CYP2E1: variants seen among roughly 807,000 people sequenced by gnomAD.
The protein encoded by CYP2E1 is cytochrome P450 2E1.
CYP2E1 carries 31 observed loss-of-function variants against 42.9 expected under a neutral mutation model. The observed-to-expected ratio is 0.72, with a 90% CI of 0.54 to 0.98. CYP2E1 has a LOEUF of 0.98. Among genes scored for constraint, CYP2E1 ranks in the 50% least tolerant of loss-of-function variants. The pLI is 0.00. For missense variants in CYP2E1, 565 were observed against 633.2 expected (o/e 0.89, Z 1.16); for synonymous variants, 244 against 248.9 (o/e 0.98, Z 0.19).
chr10:133,528,421 T>G, intron 1 of CYP2E1, 60 bp from the exon 2 acceptor site: 2 of 1,594,600 alleles, frequency 1.3e-6, no homozygotes, highest in Middle Eastern at 4.2e-4. Flanking sequence ...GGGTGTGGCT[T>G]AGAGCCCCGC....
In CYP2E1 at chr10:133,536,084, C is replaced by T. The variant is rs369366325; in HGVS notation, c.968-979C>T. Among the ~76,000 whole-genome samples, 18 of 152,262 alleles carry T rather than the reference C, an allele frequency of 1.2e-4. 1 individual carries two copies. Among genetic ancestry groups the T allele is most frequent in the African/African-American group, 4.3e-4 (18 of 41,528 alleles). On this transcript the variant is annotated intron_variant, in intron 6 of 8. Transcript: ENST00000252945. ...GCATGTCTGATTCTGTTCTGTAAAC[C>T]CCCTTCATACTCAGAAGCATGCAAT...
chr10:133,538,635 T>G, intron 8 of CYP2E1, 145 bp from the exon 9 acceptor site: 1 of 696,604 alleles, frequency 1.4e-6, no homozygotes, highest in Middle Eastern at 3.3e-4. Flanking sequence ...TGTGCTTCTT[T>G]TAATAGGCAG....
chr10:133,534,041 G>A, intron 6 of CYP2E1, 144 bp downstream of exon 6: 1 of 886,484 alleles, frequency 1.1e-6, no homozygotes, highest in Admixed American at 2.3e-5. Flanking sequence ...ATGCACTGCT[G>A]TGAGGGGAGG....
intron 2 of CYP2E1, among the ~76,000 whole-genome samples, chr10:133,530,940 A>G (rs1851328229): frequency 6.6e-6 from 1 of 152,226 alleles, no homozygotes; most frequent in Non-Finnish European, 1.5e-5. Flanking sequence ...TTGATTCCAA[A>G]TGTGTTCATA....
Position 133,532,822 on chromosome 10 carries a change from A to C in CYP2E1, c.779A>C (p.Asn260Thr). ...GAGCACCATCAATCTCTGGACCCCA[A>C]CTGTCCCCGGGACCTCACCGACTGC... is the stretch of plus-strand genomic sequence containing the variant. The part of the protein sequence containing the change: ...VKEHHQSLDP[N>T]CPRDLTDCLL... The change falls in exon 5 of 9, where the codon AAC becomes ACC. Residue 260 changes from asparagine (N) to threonine (T), a missense_variant. Physicochemically the swap from Asn to Thr is moderately conservative, Grantham distance 65. Transcript: ENST00000252945. 2 of 1,613,026 alleles carry C rather than the reference A, an allele frequency of 1.2e-6. No homozygotes were observed. The highest frequency in any genetic ancestry group is 1.1e-5 in the South Asian group (1 of 90,886).
intron 8 of CYP2E1, among the ~76,000 whole-genome samples, chr10:133,538,300 G>A (rs901343934): frequency 1.3e-5 from 2 of 152,112 alleles, no homozygotes; most frequent in South Asian, 2.1e-4. Flanking sequence ...AAGCATCAAA[G>A]CCTTCCTGGG....
chr10:133,536,926 G>C, intron 6 of CYP2E1, 137 bp from the exon 7 acceptor site: 1 of 680,504 alleles, frequency 1.5e-6, no homozygotes, highest in Admixed American at 2.5e-5. Context: ...ATGGAGGGGT[G>C]TATAGATGGA....
intron 6 of CYP2E1, among the ~76,000 whole-genome samples, chr10:133,535,365 A>G (rs1039171662): frequency 3.9e-5 from 6 of 152,052 alleles, no homozygotes; most frequent in Non-Finnish European, 8.8e-5. Context: ...AGTTGTTACT[A>G]TGTTTTGTAG....
At chr10:133,537,622 C>A in intron 7 of CYP2E1, 129 bp from the exon 8 acceptor site, 1 of 796,186 alleles carries the variant, frequency 1.3e-6, no homozygotes, top group Non-Finnish European at 2.0e-6. Context: ...CACTAAGCAA[C>A]TCCTTCAACT....
At chr10:133,538,486 G>A (rs1480374179) in intron 8 of CYP2E1, among the ~76,000 whole-genome samples, 1 of 152,310 alleles carries the variant, frequency 6.6e-6, no homozygotes, top group East Asian at 1.9e-4. Context: ...AGCACTGGGG[G>A]TGCCTTCTTT....
chr10:133,529,278 C>G (rs41299414), intron 2 of CYP2E1, among the ~76,000 whole-genome samples: 9,593 of 152,164 alleles, frequency 0.063, 587 homozygotes, highest in African/African-American at 0.17. Flanking sequence ...AGGAGGGTTG[C>G]GGTCTGGAGG....
intron 3 of CYP2E1, 122 bp from the exon 4 acceptor site, chr10:133,532,002 C>T (rs968119639): frequency 2.2e-5 from 21 of 939,760 alleles, no homozygotes; most frequent in East Asian, 7.3e-5. Flanking sequence ...CACTATCTTT[C>T]GTAAACTGGC....
Position 133,537,824 on chromosome 10 carries a change from A to T in CYP2E1, c.1229A>T (p.Lys410Met), listed in dbSNP as rs1851424176. The T allele has an allele frequency of 2.5e-6, 4 of 1,613,804 alleles. No homozygotes were observed. Among genetic ancestry groups the T allele is most frequent in the Non-Finnish European group, 3.4e-6 (4 of 1,179,844 alleles). Residue 410 changes from lysine (K) to methionine (M), a missense_variant, in exon 8 of 9, where the codon AAG becomes ATG. By Grantham distance (95) the Lys-to-Met change is moderately conservative. Coordinates refer to ENST00000252945, the MANE Select transcript of CYP2E1 (RefSeq NM_000773.4). ...GAATTTCCTGATCCAGAAAAGTTTA[A>T]GCCAGAACACTTCCTGAATGAAAAT... ...NQEFPDPEKF[K>M]PEHFLNENGK... is the part of the protein sequence containing the mutation.
In CYP2E1 at chr10:133,528,514, T is replaced by C; in HGVS notation, c.211T>C (p.Tyr71His). The C allele has an allele frequency of 6.2e-7, 1 of 1,613,402 alleles. No individual in the cohort carries two copies. Among genetic ancestry groups the C allele is most frequent in the Non-Finnish European group, 8.5e-7 (1 of 1,179,926 alleles). ...AQRFGPVFTLYVGSQRMVVMH... is the reference protein window; with the variant it reads ...AQRFGPVFTLHVGSQRMVVMH... ...GCGCTTCGGGCCGGTGTTCACGCTGTACGTGGGCTCGCAGCGCATGGTGGT... is the reference window on the plus strand; with the variant it reads ...GCGCTTCGGGCCGGTGTTCACGCTGCACGTGGGCTCGCAGCGCATGGTGGT... The change falls in exon 2 of 9, where the codon TAC (tyrosine) becomes CAC (histidine). Residue 71 changes from tyrosine to histidine, a missense_variant. Tyr to His is a moderately conservative substitution (Grantham distance 83). Coordinates refer to ENST00000252945, the MANE Select transcript of CYP2E1 (RefSeq NM_000773.4).
At chr10:133,531,834 T>G in intron 3 of CYP2E1, 100 bp downstream of exon 3, 1 of 1,269,118 alleles carries the variant, frequency 7.9e-7, no homozygotes, top group Non-Finnish European at 1.1e-6. Context: ...CACAGGGACC[T>G]ACGGACAAGG....
At chr10:133,533,922 C>T (rs765141664) in intron 6 of CYP2E1, 25 bp downstream of exon 6, 37 of 1,612,796 alleles carry the variant, frequency 2.3e-5, no homozygotes, top group Admixed American at 5.0e-5. Context: ...GAAGGGACAC[C>T]GTGCGTGCGG....
At chr10:133,536,645 T>G (rs1469301554) in intron 6 of CYP2E1, among the ~76,000 whole-genome samples, 107 of 68,462 alleles carry the variant, frequency 1.6e-3, no homozygotes, top group South Asian at 2.0e-3. Context: ...GGATGGGTGG[T>G]TGGGTGGATG....
intron 6 of CYP2E1, 130 bp downstream of exon 6, chr10:133,534,027 C>A: frequency 1.0e-6 from 1 of 1,001,976 alleles, no homozygotes. Flanking sequence ...GGTGAGATGG[C>A]TAGATGCACT....
intron 2 of CYP2E1, among the ~76,000 whole-genome samples, chr10:133,530,692 AG>A (rs1851325491): frequency 6.6e-6 from 1 of 152,166 alleles, no homozygotes; most frequent in Admixed American, 6.5e-5. Context: ...ATATGCAGGA[AG>A]TACCCAAAAT....
Sources: allele counts gnomAD v4.1 joint callset (sites outside exome capture counted in the v4.1 genomes callset), GRCh38; gene constraint gnomAD v4.1.1; transcripts MANE v1.5; gene names NCBI Gene and HGNC (gene_info 2026-07-23, HGNC 2026-07-21).